Variants in PSMA7 observed in about 807,000 individuals in gnomAD.
The protein encoded by PSMA7 is proteasome subunit alpha type-7.
PSMA7 carries 5 observed loss-of-function variants against 31.3 expected under a neutral mutation model. That is an observed-to-expected ratio of 0.16 (90% CI 0.08 to 0.34). The LOEUF (loss-of-function observed/expected upper bound fraction) is 0.34, where lower values mean the gene tolerates loss of function less well. Ranked by LOEUF, PSMA7 falls within the 10% of genes least tolerant of loss-of-function variation. PSMA7 has a pLI of 1.00. For synonymous variants in PSMA7, 155 were observed against 121.9 expected (o/e 1.27, Z -1.79); for missense variants, 217 against 327.5 (o/e 0.66, Z 2.60).
chr20:62,140,844 T>C lies in PSMA7; in HGVS notation c.197A>G (p.Asp66Gly). The change falls in exon 2 of 7, where the codon GAT becomes GGT. Residue 66 changes from aspartate (D) to glycine (G), a missense_variant. Asp to Gly is a moderately conservative substitution (Grantham distance 94). Around this residue, in one of 3 missense-constraint regions of PSMA7, gnomAD observed 76 missense variants for 96.5 expected, o/e 0.79. Coordinates refer to ENST00000370873, the MANE Select transcript of PSMA7 (RefSeq NM_002792.4). Reference protein sequence around the residue: ...ERTVRKICALDDNVCMAFAGL... With the variant: ...ERTVRKICALGDNVCMAFAGL... ...TGCAAAGGCCATGCAGACGTTGTCA[T>C]CCAAAGCACAGATCTTCCGCACTGT... The C allele has an allele frequency of 6.2e-7, 1 of 1,614,222 alleles. No individual in the cohort carries two copies. Among genetic ancestry groups the C allele is most frequent in the Non-Finnish European group, 8.5e-7 (1 of 1,180,020 alleles).
chr20:62,140,971 A>ATG, intron 1 of PSMA7, 27 bp from the exon 2 acceptor site: 2 of 1,613,302 alleles, frequency 1.2e-6, no homozygotes, highest in South Asian at 2.2e-5. Flanking sequence ...CAAACCACGT[A>ATG]AGAAAGTGAT....
At position 62,143,259 on chromosome 20, in the gene PSMA7, G is replaced by A; in HGVS notation, c.45C>T (p.His15=). ...CCTGCGCGTACTCCACTTGGAAGAG[G>A]TGGCCGTCGGGCGAGAAGACGGTGA... ...RAITVFSPDG[H]LFQVEYAQEA... is the part of the protein sequence containing the mutation. The change falls in exon 1 of 7, where the codon CAC becomes CAT. Residue 15 remains histidine (H), a synonymous_variant. Coordinates refer to ENST00000370873, the MANE Select transcript of PSMA7 (RefSeq NM_002792.4). 6.8e-7 allele frequency: 1 copy of A among 1,481,360 alleles called. No individual in the cohort carries two copies. The highest frequency in any genetic ancestry group is 3.0e-5 in the East Asian group (1 of 33,364). 91.8% of individuals were successfully genotyped at this position (1,481,360 alleles called of 1,614,324 possible).
intron 1 of PSMA7, among the ~76,000 whole-genome samples, 196 bp from the exon 2 acceptor site, chr20:62,141,140 AAGCCTGT>A (rs1036771798): frequency 7.9e-5 from 12 of 152,186 alleles, no homozygotes; most frequent in African/African-American, 2.9e-4. Context: ...GTGGTGGCTG[AAGCCTGT>A]AGTCCCAGCT....
At chr20:62,140,153 AT>A (rs1236436338) in intron 2 of PSMA7, among the ~76,000 whole-genome samples, 1 of 152,186 alleles carries the variant, frequency 6.6e-6, no homozygotes, top group African/African-American at 2.4e-5. Flanking sequence ...CTGGCTGAAA[AT>A]GCATTTACTA....
Position 62,138,304 on chromosome 20 carries a change from G to GT in PSMA7, c.472-15dup, listed in dbSNP as rs749771775. ...TATGGCATTGGCCTAAAACAGACAC[G>GT]TATGTTCTCACGTGGCATAGGGCAT... On this transcript the variant is annotated splice_polypyrimidine_tract_variant and intron_variant, in intron 4 of 6. Coordinates refer to ENST00000370873, the MANE Select transcript of PSMA7 (RefSeq NM_002792.4). 1.9e-6 allele frequency: 3 copies of GT among 1,593,422 alleles called. No individual in the cohort carries two copies. Among genetic ancestry groups the GT allele is most frequent in the East Asian group, 2.2e-5 (1 of 44,636 alleles).
chr20:62,137,062 G>A (rs1381107103), intron 6 of PSMA7, 113 bp from the exon 7 acceptor site: 5 of 1,402,638 alleles, frequency 3.6e-6, no homozygotes, highest in Non-Finnish European at 4.9e-6. Flanking sequence ...AGCCTCTTTG[G>A]AGAGGAACCT....
At chr20:62,139,941 C>G (rs2056917666) in intron 2 of PSMA7, 36 bp from the exon 3 acceptor site, 8 of 1,605,600 alleles carry the variant, frequency 5.0e-6, no homozygotes, top group East Asian at 2.2e-5. Context: ...GCTAGAGAGA[C>G]AGCACAAACT....
At chr20:62,138,995 C>G in intron 4 of PSMA7, 80 bp downstream of exon 4, 1 of 1,541,872 alleles carries the variant, frequency 6.5e-7, no homozygotes, top group Non-Finnish European at 8.8e-7. Flanking sequence ...ACAGGGCCTA[C>G]AGCAGGAAGC....
chr20:62,139,516 G>A, intron 3 of PSMA7: 1 of 689,052 alleles, frequency 1.5e-6, no homozygotes. Context: ...CTTTGTGACT[G>A]GTCACTCAGG....
Position 62,143,322 on chromosome 20 carries a change from G to C in PSMA7, c.-19C>G. 1 of 1,374,320 alleles carries C rather than the reference G, an allele frequency of 7.3e-7. No homozygotes were observed. Among genetic ancestry groups the C allele is most frequent in the South Asian group, 1.4e-5 (1 of 73,796 alleles). 85.1% of individuals were successfully genotyped at this position (1,374,320 alleles called of 1,614,324 possible). On this transcript the variant is annotated 5_prime_UTR_variant, in exon 1 of 7. Coordinates refer to ENST00000370873, the MANE Select transcript of PSMA7 (RefSeq NM_002792.4). The stretch of plus-strand genomic sequence containing the variant: ...AGCTCATGCCGGCGGGCGGCGGCCG[G>C]GCTCCTTCCGCCGCGACTCTCAAAA...
At chr20:62,143,097 C>G in intron 1 of PSMA7, 111 bp downstream of exon 1, 1 of 566,872 alleles carries the variant, frequency 1.8e-6, no homozygotes, top group Non-Finnish European at 2.3e-6. Context: ...GCCGCTGCCC[C>G]GCGCACGCCC....
At chr20:62,139,672 G>C (rs768160967) in intron 3 of PSMA7, 109 bp downstream of exon 3, 230 of 1,566,026 alleles carry the variant, frequency 1.5e-4, no homozygotes, top group Non-Finnish European at 1.8e-4. Flanking sequence ...TCACGCCCCA[G>C]AATAAATCAG....
intron 2 of PSMA7, among the ~76,000 whole-genome samples, chr20:62,140,422 G>A (rs960568416): frequency 6.6e-6 from 1 of 152,208 alleles, no homozygotes; most frequent in African/African-American, 2.4e-5. Context: ...AGAACATGGC[G>A]AGGCATGGCC....
chr20:62,136,839 G>A lies in PSMA7; in HGVS notation c.*18C>T. 5 of 1,585,680 alleles carry A rather than the reference G, an allele frequency of 3.2e-6. No individual in the cohort carries two copies. The highest frequency in any genetic ancestry group is 1.2e-5 in the South Asian group (1 of 85,760). ...ATTGATATGAATTTAAAAATTACAAGCAAAGACATTTTATTCATCATGATG... is the reference window on the plus strand; with the variant it reads ...ATTGATATGAATTTAAAAATTACAAACAAAGACATTTTATTCATCATGATG... On this transcript the variant is annotated 3_prime_UTR_variant, in exon 7 of 7. Coordinates refer to ENST00000370873, the MANE Select transcript of PSMA7 (RefSeq NM_002792.4).
chr20:62,137,722 G>A (rs73307256), intron 5 of PSMA7, among the ~76,000 whole-genome samples: 9,968 of 152,218 alleles, frequency 0.065, 438 homozygotes, highest in African/African-American at 0.11. Flanking sequence ...TGATGCCTAC[G>A]CTCCCGCCTG....
intron 3 of PSMA7, 118 bp from the exon 4 acceptor site, chr20:62,139,315 T>C: frequency 2.3e-6 from 3 of 1,277,530 alleles, no homozygotes; most frequent in Non-Finnish European, 2.1e-6. Context: ...TCTCAGGTTA[T>C]CAGCAGTTCA....
At chr20:62,142,803 G>A (rs567447549) in intron 1 of PSMA7, among the ~76,000 whole-genome samples, 1 of 152,150 alleles carries the variant, frequency 6.6e-6, no homozygotes, top group Admixed American at 6.5e-5. Context: ...CAGCCCCCCA[G>A]CGAGCGCACG....
intron 2 of PSMA7, among the ~76,000 whole-genome samples, chr20:62,140,488 C>T (rs961271167): frequency 6.6e-6 from 1 of 152,210 alleles, no homozygotes; most frequent in African/African-American, 2.4e-5. Flanking sequence ...GTGGTTCTGT[C>T]CTCTCCATGC....
chr20:62,141,751 G>C (rs2056928482), intron 1 of PSMA7, among the ~76,000 whole-genome samples: 1 of 152,242 alleles, frequency 6.6e-6, no homozygotes, highest in African/African-American at 2.4e-5. Flanking sequence ...ATGAGAAGGG[G>C]CCTGATTTGC....
Sources: allele counts gnomAD v4.1 joint callset (sites outside exome capture counted in the v4.1 genomes callset), GRCh38; gene constraint gnomAD v4.1.1; regional missense constraint gnomAD v4.1.1; transcripts MANE v1.5; gene names NCBI Gene and HGNC (gene_info 2026-07-23, HGNC 2026-07-21).